ZPBP: variants seen among roughly 807,000 people sequenced by gnomAD.
The protein encoded by ZPBP is zona pellucida binding protein.
In ZPBP, 26 loss-of-function variants were observed where a neutral mutation model predicts 44.8. The observed-to-expected ratio is 0.58, with a 90% CI of 0.43 to 0.81. The LOEUF (loss-of-function observed/expected upper bound fraction) is 0.81. Among genes scored for constraint, ZPBP ranks in the 30% least tolerant of loss-of-function variants. The pLI, the probability that ZPBP is intolerant of heterozygous loss-of-function variation, is 0.00. For missense variants in ZPBP, 409 were observed against 434.0 expected, an observed-to-expected ratio of 0.94 and a Z score of 0.51; for synonymous variants, 174 against 153.2, an observed-to-expected ratio of 1.14 and a Z score of -1.00.
chr7:50,022,554 G>A (rs535479563), intron 5 of ZPBP, among the ~76,000 whole-genome samples: 6 of 151,066 alleles, frequency 4.0e-5, no homozygotes, highest in Admixed American at 1.3e-4. Context: ...AAATTTAAAC[G>A]GTATTCTATA....
intron 6 of ZPBP, among the ~76,000 whole-genome samples, chr7:50,017,818 T>C (rs1055489157): frequency 3.9e-5 from 6 of 152,030 alleles, no homozygotes; most frequent in African/African-American, 1.4e-4. Flanking sequence ...TTCTAGAAGA[T>C]ATAGCATCAT....
intron 4 of ZPBP, among the ~76,000 whole-genome samples, chr7:50,051,441 C>T (rs530530114): frequency 6.6e-5 from 10 of 152,072 alleles, no homozygotes; most frequent in Admixed American, 2.0e-4. Flanking sequence ...GAGTATATAC[C>T]GAAAGAAATA....
At position 50,032,793 on chromosome 7, in the gene ZPBP, G is replaced by A. The variant is rs375157203; in HGVS notation, c.488-1483C>T. 4.6e-5 allele frequency among the ~76,000 whole-genome samples: 7 copies of A among 152,292 alleles called. No homozygotes were observed. In the East Asian group the frequency reaches 1.3e-3, roughly 29 times the overall value. ...TAATAAACATTCTGGATGTGTTACTGTTTATTCTGTTGCTTTTGTTTTTTC... is the reference window on the plus strand; with the variant it reads ...TAATAAACATTCTGGATGTGTTACTATTTATTCTGTTGCTTTTGTTTTTTC... On this transcript the variant is annotated intron_variant, in intron 4 of 7. Transcript: ENST00000046087.
At chr7:49,866,655 C>T (rs562077820) in intron 2 of ZPBP, among the ~76,000 whole-genome samples, 2 of 152,204 alleles carry the variant, frequency 1.3e-5, no homozygotes, top group South Asian at 4.1e-4. Flanking sequence ...GTTTTGACAT[C>T]TATCACAGGT....
the ZPBP span, among the ~76,000 whole-genome samples, chr7:49,845,097 A>G: frequency 6.6e-6 from 1 of 152,096 alleles, no homozygotes; most frequent in African/African-American, 2.4e-5. Flanking sequence ...ACATGAACAC[A>G]TGGGCGGGAA....
At chr7:49,906,519 C>G (rs1296198896) in intron 1 of ZPBP, among the ~76,000 whole-genome samples, 3 of 152,064 alleles carry the variant, frequency 2.0e-5, no homozygotes, top group Non-Finnish European at 4.4e-5. Flanking sequence ...TGTATTTTTA[C>G]TATAGATGGG....
chr7:49,915,794 A>AT (rs1264097810), intron 1 of ZPBP: 1 of 152,154 alleles, frequency 6.6e-6, no homozygotes, highest in Non-Finnish European at 1.5e-5. Context: ...TTAATATCAT[A>AT]TTTTTCCCCA....
chr7:49,989,928 G>A (rs960098068), intron 6 of ZPBP, among the ~76,000 whole-genome samples: 11 of 152,218 alleles, frequency 7.2e-5, no homozygotes, highest in African/African-American at 2.4e-4. Flanking sequence ...AACTATAGCT[G>A]CCAGTTTTCT....
At chr7:49,890,391 A>G (rs1444951535) in intron 2 of ZPBP, among the ~76,000 whole-genome samples, 2 of 152,232 alleles carry the variant, frequency 1.3e-5, no homozygotes, top group Non-Finnish European at 2.9e-5. Flanking sequence ...TACAACAGTC[A>G]GTATGGAAAG....
intron 4 of ZPBP, among the ~76,000 whole-genome samples, chr7:50,042,099 T>C (rs746177283): frequency 6.6e-6 from 1 of 151,788 alleles, no homozygotes; most frequent in Non-Finnish European, 1.5e-5. Context: ...CTTAATGAAA[T>C]AAAGCATGAA....
At chr7:50,064,784 T>C (rs573174858) in intron 3 of ZPBP, among the ~76,000 whole-genome samples, 23 of 152,268 alleles carry the variant, frequency 1.5e-4, no homozygotes, top group African/African-American at 5.1e-4. Flanking sequence ...CAAACACACA[T>C]GCTGTACAAT....
chr7:50,053,228 T>C (rs1487593133), intron 4 of ZPBP, among the ~76,000 whole-genome samples: 3 of 152,196 alleles, frequency 2.0e-5, no homozygotes, highest in Admixed American at 2.0e-4. Context: ...TGCAACCATA[T>C]GTTAATCTAC....
chr7:50,008,422 C>G (rs1798413060), intron 6 of ZPBP, among the ~76,000 whole-genome samples: 2 of 152,032 alleles, frequency 1.3e-5, no homozygotes, highest in East Asian at 3.9e-4. Context: ...TGCATTAACA[C>G]ATTTAAGATG....
At chr7:50,068,422 T>TG (rs1801643666) in intron 3 of ZPBP, among the ~76,000 whole-genome samples, 1 of 151,420 alleles carries the variant, frequency 6.6e-6, no homozygotes, top group African/African-American at 2.4e-5. Flanking sequence ...CAGTAGCCCT[T>TG]GGCCAGTGTT....
chr7:49,952,035 G>C (rs975163740), intron 7 of ZPBP, among the ~76,000 whole-genome samples: 2 of 151,810 alleles, frequency 1.3e-5, no homozygotes, highest in Admixed American at 6.6e-5. Context: ...AAGATAGAAA[G>C]CATAGTGATA....
At chr7:49,880,581 T>TTTTA (rs10645724) in intron 2 of ZPBP, among the ~76,000 whole-genome samples, 2,039 of 151,540 alleles carry the variant, frequency 0.013, 51 homozygotes, top group African/African-American at 0.047. Context: ...TATTTTTTAT[T>TTTTA]TTTATTTATT....
chr7:49,897,881 C>T (rs1430102660), intron 2 of ZPBP, among the ~76,000 whole-genome samples: 1 of 152,206 alleles, frequency 6.6e-6, no homozygotes, highest in African/African-American at 2.4e-5. Flanking sequence ...ACAAGGTTCT[C>T]ACAGTGAATA....
intron 4 of ZPBP, among the ~76,000 whole-genome samples, chr7:50,049,698 C>T (rs1429735806): frequency 6.6e-6 from 1 of 151,914 alleles, no homozygotes; most frequent in Non-Finnish European, 1.5e-5. Context: ...AAACCCACAG[C>T]TAACATTATA....
chr7:49,890,481 G>A (rs931855741), intron 2 of ZPBP, among the ~76,000 whole-genome samples: 14 of 152,092 alleles, frequency 9.2e-5, no homozygotes, highest in African/African-American at 3.4e-4. Flanking sequence ...ACATCTCTAG[G>A]TTAGCATCCC....
Sources: allele counts gnomAD v4.1 joint callset (sites outside exome capture counted in the v4.1 genomes callset), GRCh38; gene constraint gnomAD v4.1.1; transcripts MANE v1.5; gene names NCBI Gene and HGNC (gene_info 2026-07-23, HGNC 2026-07-21).